Variants in ACO1 observed in about 807,000 individuals in gnomAD.
The protein encoded by ACO1 is aconitase 1, also known as cytoplasmic aconitate hydratase.
Under a neutral mutation model 105.1 loss-of-function variants are expected in ACO1, and 78 were observed. The observed-to-expected ratio is 0.74, with a 90% confidence interval of 0.62 to 0.90. The LOEUF is 0.90. ACO1 is among the 40% of genes least tolerant of loss of function. The probability of loss-of-function intolerance (pLI) is 0.00; values close to 1 mark genes in which losing one functional copy is unlikely to be tolerated. For missense variants in ACO1, 965 were observed against 1,111.1 expected (o/e 0.87, Z 1.87); for synonymous variants, 364 against 397.4 (o/e 0.92, Z 1.00).
At chr9:32,393,961 A>G (rs1420770496) in intron 1 of ACO1, among the ~76,000 whole-genome samples, 1 of 152,170 alleles carries the variant, frequency 6.6e-6, no homozygotes, top group African/African-American at 2.4e-5. Flanking sequence ...CTGAAAATCA[A>G]ATCTCATCTT....
intron 1 of ACO1, among the ~76,000 whole-genome samples, chr9:32,397,831 C>T (rs72549184): frequency 0.01 from 1,593 of 152,210 alleles, 31 homozygotes; most frequent in African/African-American, 0.037. Flanking sequence ...AAATCTTTTT[C>T]TCTTGTTTGC....
intron 16 of ACO1, 77 bp downstream of exon 16, chr9:32,433,909 T>C: frequency 7.5e-6 from 9 of 1,196,340 alleles, no homozygotes; most frequent in South Asian, 2.9e-5. Flanking sequence ...TATTACCCCA[T>C]GCTCTTGCTT....
chr9:32,407,216 A>G (rs1286360291), intron 2 of ACO1, 45 bp from the exon 3 acceptor site: 1 of 1,594,754 alleles, frequency 6.3e-7, no homozygotes, highest in East Asian at 2.2e-5. Flanking sequence ...AGCGCTCTTA[A>G]GTTGTCTCAC....
In ACO1 at chr9:32,451,798, C is replaced by T. The variant is rs1822772495; in HGVS notation, c.*1687C>T. ...AAACAAACAGCCAGGCGCAGTGGCTCATGCCTATAATTCCATCACTTTGGG... is the reference window on the plus strand; with the variant it reads ...AAACAAACAGCCAGGCGCAGTGGCTTATGCCTATAATTCCATCACTTTGGG... On this transcript the variant is annotated 3_prime_UTR_variant, in exon 21 of 21. Coordinates refer to ENST00000309951, the MANE Select transcript of ACO1 (RefSeq NM_002197.3). 1 of 152,208 alleles carries T rather than the reference C, an allele frequency of 6.6e-6. No individual in the cohort carries two copies. The highest frequency in any genetic ancestry group is 6.5e-5 in the Admixed American group (1 of 15,288). The allele number at this position is 152,208 out of a possible 1,614,324, so 9.4% of individuals were successfully genotyped here.
At chr9:32,407,819 C>T (rs1821648897) in intron 3 of ACO1, among the ~76,000 whole-genome samples, 1 of 152,168 alleles carries the variant, frequency 6.6e-6, no homozygotes, top group African/African-American at 2.4e-5. Flanking sequence ...GTACTTGAAA[C>T]ACTGATGTGC....
In ACO1 at chr9:32,429,467, G is replaced by A. The variant is rs147857017; in HGVS notation, c.1533G>A (p.Gly511=). ...YGCMTCIGNS[G]PLPEPVVEAI... is the part of the protein sequence containing the mutation. ...GCATGACCTGCATTGGCAACAGTGG[G>A]CCTTTACCTGAACCTGTGGTAGAAG... Residue 511 remains glycine (G), a synonymous_variant, in exon 13 of 21, where the codon GGG becomes GGA. Coordinates refer to ENST00000309951, the MANE Select transcript of ACO1 (RefSeq NM_002197.3). The A allele has an allele frequency of 1.2e-6, 2 of 1,614,066 alleles. No homozygotes were observed. Among genetic ancestry groups the A allele is most frequent in the African/African-American group, 2.7e-5 (2 of 74,910 alleles).
At position 32,412,622 on chromosome 9, in the gene ACO1, C is replaced by G. The variant is rs180972853; in HGVS notation, c.404+3971C>G. Among the ~76,000 whole-genome samples, 7 of 152,300 alleles carry G rather than the reference C, an allele frequency of 4.6e-5. No homozygotes were observed. In the East Asian group the frequency reaches 1.4e-3, roughly 29 times the overall value. On this transcript the variant is annotated intron_variant, in intron 4 of 20. Coordinates refer to ENST00000309951, the MANE Select transcript of ACO1 (RefSeq NM_002197.3). ...GATGGTACTTGGAACAGACCATGTA[C>G]TCGCCAACTCTTCCCTTTCCTTTGG...
chr9:32,449,161 G>C, intron 20 of ACO1, 80 bp downstream of exon 20: 28 of 1,432,836 alleles, frequency 2.0e-5, no homozygotes, highest in Non-Finnish European at 2.3e-5. Flanking sequence ...AAGGAAATTA[G>C]TGAGGTTTAG....
chr9:32,399,910 G>C (rs1281065632), intron 1 of ACO1, among the ~76,000 whole-genome samples: 1 of 143,866 alleles, frequency 7.0e-6, no homozygotes, highest in Non-Finnish European at 1.5e-5. Context: ...TTGCTCACCT[G>C]CATTTTCTGT....
rs111878998 is a variant in ACO1 at position 32,423,322 on chromosome 9, G to A, written c.974G>A (p.Arg325His). The stretch of plus-strand genomic sequence containing the variant: ...TACTCCTTAAAATGCCTTTTAGGTC[G>A]TGATGAAGAAAAATTAAAGTATATT... Reference protein sequence around the residue: ...VSITYLVQTGRDEEKLKYIKK... With the variant: ...VSITYLVQTGHDEEKLKYIKK... Residue 325 changes from arginine to histidine, a missense_variant, in exon 9 of 21, where the codon CGT becomes CAT. Transcript: ENST00000309951. 2.2e-5 allele frequency: 34 copies of A among 1,578,054 alleles called. No homozygotes were observed. The highest frequency in any genetic ancestry group is 3.3e-4 in the Middle Eastern group (2 of 6,004).
In ACO1 at chr9:32,452,622, A is replaced by G. The variant is rs1822792473; in HGVS notation, c.*2511A>G. ...ACAAACACATTATTGTGGCTAGACT[A>G]ATGGAATTGGGTCCCTTACCTCCAA... On this transcript the variant is annotated 3_prime_UTR_variant, in exon 21 of 21. Transcript: ENST00000309951. 6.6e-6 allele frequency: 1 copy of G among 152,042 alleles called. No individual in the cohort carries two copies. The highest frequency in any genetic ancestry group is 1.5e-5 in the Non-Finnish European group (1 of 68,016). The allele number at this position is 152,042 out of a possible 1,614,324, so 9.4% of individuals were successfully genotyped here. A position where few individuals can be genotyped will look rare whatever the true frequency, so the allele number is the denominator to read the frequency against.
chr9:32,431,835 A>C lies in ACO1; in HGVS notation c.1843A>C (p.Lys615Gln). 1 of 1,614,098 alleles carries C rather than the reference A, an allele frequency of 6.2e-7. No homozygotes were observed. Among genetic ancestry groups the C allele is most frequent in the East Asian group, 2.2e-5 (1 of 44,872 alleles). ...GGGGATGTTTAAGGAAGTCTATCAG[A>C]AAATAGAGGTGAGGTCCCACACTGC... ...IPGMFKEVYQ[K>Q]IETVNESWNA... The change falls in exon 15 of 21, where the codon AAA becomes CAA. Residue 615 changes from lysine to glutamine, a missense_variant. By Grantham distance (53) the Lys-to-Gln change is moderately conservative (BLOSUM62 1). Transcript: ENST00000309951.
intron 1 of ACO1, among the ~76,000 whole-genome samples, chr9:32,403,297 A>G (rs1239815347): frequency 6.6e-6 from 1 of 152,244 alleles, no homozygotes; most frequent in Non-Finnish European, 1.5e-5. Flanking sequence ...GTTGCCAGGT[A>G]AAGAAGATGG....
chr9:32,394,838 CA>C (rs1821338786), intron 1 of ACO1, among the ~76,000 whole-genome samples: 1 of 152,170 alleles, frequency 6.6e-6, no homozygotes, highest in African/African-American at 2.4e-5. Flanking sequence ...ATTTTATTAG[CA>C]TGAGTCATAA....
At chr9:32,449,115 G>C (rs201749332) in intron 20 of ACO1, 34 bp downstream of exon 20, 2 of 1,550,500 alleles carry the variant, frequency 1.3e-6, no homozygotes, top group Admixed American at 2.0e-5. Flanking sequence ...AGGCCCTGTC[G>C]AAAGGGGCCC....
At chr9:32,445,542 A>G (rs1331482650) in intron 19 of ACO1, 1 of 256,168 alleles carries the variant, frequency 3.9e-6, no homozygotes, top group South Asian at 3.5e-5. Context: ...TGTTTTGTTG[A>G]TCTTTTCAAA....
intron 16 of ACO1, 41 bp downstream of exon 16, chr9:32,433,873 G>T (rs754055015): frequency 8.2e-6 from 12 of 1,466,202 alleles, no homozygotes; most frequent in East Asian, 6.8e-5. Flanking sequence ...TTCTTTGAAG[G>T]GTTTCTTTCC....
At chr9:32,408,220 G>C (rs556652789) in intron 3 of ACO1, among the ~76,000 whole-genome samples, 2 of 152,318 alleles carry the variant, frequency 1.3e-5, no homozygotes, top group Middle Eastern at 3.4e-3. Context: ...GAGTTCCAGA[G>C]TTGTTAAGTG....
At chr9:32,401,167 T>G (rs2118379382) in intron 1 of ACO1, among the ~76,000 whole-genome samples, 1 of 151,930 alleles carries the variant, frequency 6.6e-6, no homozygotes, top group Non-Finnish European at 1.5e-5. Flanking sequence ...ATCAGAAACC[T>G]AAATTTAAGT....
Sources: gnomAD v4.1 joint callset for allele counts (sites outside exome capture counted in the v4.1 genomes callset) on GRCh38, gnomAD v4.1.1 for gene constraint, MANE v1.5 for transcripts, NCBI Gene and HGNC (gene_info 2026-07-23, HGNC 2026-07-21) for gene names.